INPP4B: variants seen among roughly 807,000 people sequenced by gnomAD.
INPP4B encodes the protein inositol polyphosphate 4-phosphatase type II.
Under a neutral mutation model 122.5 loss-of-function variants are expected in INPP4B, and 55 were observed. The observed-to-expected ratio is 0.45, with a 90% CI of 0.36 to 0.56. The LOEUF (loss-of-function observed/expected upper bound fraction) is 0.56, where lower values mean the gene tolerates loss of function less well. Ranked by LOEUF, INPP4B falls within the 20% of genes least tolerant of loss-of-function variation. The probability of loss-of-function intolerance (pLI) is 0.00; values close to 1 mark genes in which losing one functional copy is unlikely to be tolerated. For synonymous variants in INPP4B, 403 were observed against 388.7 expected (o/e 1.04, Z -0.43); for missense variants, 1,000 against 1,097.7 (o/e 0.91, Z 1.26).
At chr4:142,376,795 G>T (rs951412661) in intron 7 of INPP4B, among the ~76,000 whole-genome samples, 2 of 152,100 alleles carry the variant, frequency 1.3e-5, no homozygotes, top group Middle Eastern at 6.8e-3. Flanking sequence ...ATTTCAATCT[G>T]ATTTTGAGCA....
chr4:142,221,195 C>A (rs1321164064), intron 12 of INPP4B, among the ~76,000 whole-genome samples: 1 of 151,810 alleles, frequency 6.6e-6, no homozygotes, highest in Non-Finnish European at 1.5e-5. Context: ...GTCAGGAGAT[C>A]GAGACCATGC....
Position 142,403,049 on chromosome 4 carries a change from T to G in INPP4B, c.261A>C (p.Thr87=). Residue 87 remains threonine (T), a synonymous_variant, in exon 7 of 26, where the codon ACA becomes ACC. Coordinates refer to ENST00000262992, the MANE Select transcript of INPP4B (RefSeq NM_001101669.3). ...CACCAGTCAAAAACAGTGGGTCCCT[T>G]GTTCCCTGTAACAGCACAAGCAGAC... ...RYSSTEIVEG[T]RDPLFLTGVT... The G allele has an allele frequency of 6.3e-7, 1 of 1,588,762 alleles. No individual in the cohort carries two copies. Among genetic ancestry groups the G allele is most frequent in the South Asian group, 1.1e-5 (1 of 90,494 alleles).
At chr4:142,030,322 T>C (rs1176584160) in intron 25 of INPP4B, 5 of 1,525,208 alleles carry the variant, frequency 3.3e-6, no homozygotes, top group South Asian at 2.4e-5. Context: ...GAGGGGAAGT[T>C]GGGGGGGAAA....
At chr4:142,588,376 T>A (rs1449269461) in intron 2 of INPP4B, among the ~76,000 whole-genome samples, 7 of 151,744 alleles carry the variant, frequency 4.6e-5, no homozygotes, top group Non-Finnish European at 1.5e-5. Context: ...GTTTTTGTTG[T>A]AAATGACATG....
chr4:142,759,779 T>C (rs890182644), intron 1 of INPP4B, among the ~76,000 whole-genome samples: 1 of 140,066 alleles, frequency 7.1e-6, no homozygotes, highest in Non-Finnish European at 1.5e-5. Flanking sequence ...AAAGGTAATT[T>C]GCCTCTCAAC....
At chr4:142,539,011 A>T (rs558201882) in intron 2 of INPP4B, among the ~76,000 whole-genome samples, 1 of 151,588 alleles carries the variant, frequency 6.6e-6, no homozygotes, top group Non-Finnish European at 1.5e-5. Context: ...AATGAAAAAA[A>T]TTGTTTAGAC....
chr4:142,059,049 C>T (rs12512970), intron 25 of INPP4B, among the ~76,000 whole-genome samples: 1 of 152,100 alleles, frequency 6.6e-6, no homozygotes, highest in Non-Finnish European at 1.5e-5. Flanking sequence ...GCTTATAAAC[C>T]TGGATATTTA....
At chr4:142,145,373 A>G (rs1470820712) in intron 18 of INPP4B, among the ~76,000 whole-genome samples, 2 of 152,122 alleles carry the variant, frequency 1.3e-5, no homozygotes, top group Non-Finnish European at 2.9e-5. Context: ...ATCTTCCCAT[A>G]TGTTTTGGAG....
At chr4:142,738,769 G>A (rs1197940462) in intron 1 of INPP4B, among the ~76,000 whole-genome samples, 1 of 152,136 alleles carries the variant, frequency 6.6e-6, no homozygotes, top group African/African-American at 2.4e-5. Flanking sequence ...GCTCCAGTGT[G>A]TAGCCTTGTA....
intron 2 of INPP4B, among the ~76,000 whole-genome samples, chr4:142,537,367 A>C (rs1291695803): frequency 1.2e-4 from 18 of 144,002 alleles, no homozygotes; most frequent in African/African-American, 4.6e-4. Context: ...CAGAAAAAAA[A>C]CCAGTTATCA....
intron 25 of INPP4B, among the ~76,000 whole-genome samples, chr4:142,050,692 A>T (rs1379377549): frequency 6.6e-6 from 1 of 152,086 alleles, no homozygotes. Context: ...AATATTTAAA[A>T]TAGGGATGAT....
chr4:142,188,388 G>A (rs944826662), intron 15 of INPP4B, among the ~76,000 whole-genome samples: 2 of 150,134 alleles, frequency 1.3e-5, no homozygotes, highest in Non-Finnish European at 3.0e-5. Flanking sequence ...TCGGGAGGCT[G>A]AGGCAAGAGA....
chr4:142,122,958 G>T (rs981317221), intron 20 of INPP4B, among the ~76,000 whole-genome samples: 1 of 151,854 alleles, frequency 6.6e-6, no homozygotes, highest in Non-Finnish European at 1.5e-5. Flanking sequence ...GTCACACAAG[G>T]CTACTATATT....
chr4:142,647,469 C>T (rs1201634222), intron 2 of INPP4B, among the ~76,000 whole-genome samples: 1 of 152,062 alleles, frequency 6.6e-6, no homozygotes, highest in Non-Finnish European at 1.5e-5. Context: ...GTGAAAAGGC[C>T]ATCAATGATA....
intron 7 of INPP4B, among the ~76,000 whole-genome samples, chr4:142,368,833 C>T (rs1788584307): frequency 6.6e-6 from 1 of 152,004 alleles, no homozygotes; most frequent in Admixed American, 6.6e-5. Flanking sequence ...TGATAGGATG[C>T]CCAATCATCT....
intron 2 of INPP4B, among the ~76,000 whole-genome samples, chr4:142,486,581 G>A (rs1821222639): frequency 1.3e-5 from 2 of 151,734 alleles, no homozygotes; most frequent in South Asian, 2.1e-4. Context: ...TTTTCTTAAT[G>A]GTTTCTTTCA....
At chr4:142,119,746 G>A (rs997672935) in intron 21 of INPP4B, among the ~76,000 whole-genome samples, 1 of 151,016 alleles carries the variant, frequency 6.6e-6, no homozygotes, top group African/African-American at 2.4e-5. Context: ...GTATACACAT[G>A]TAACAAACCT....
intron 12 of INPP4B, among the ~76,000 whole-genome samples, chr4:142,235,874 G>T (rs1221055615): frequency 6.6e-6 from 1 of 152,144 alleles, no homozygotes; most frequent in Non-Finnish European, 1.5e-5. Context: ...CAGTAAATGG[G>T]ATATTCATCA....
intron 25 of INPP4B, among the ~76,000 whole-genome samples, chr4:142,067,594 A>G (rs1764288312): frequency 6.6e-6 from 1 of 152,180 alleles, no homozygotes; most frequent in Non-Finnish European, 1.5e-5. Flanking sequence ...AAAAGATTAG[A>G]TGAATGGCTA....
Sources: gnomAD v4.1 joint callset for allele counts (sites outside exome capture counted in the v4.1 genomes callset) on GRCh38, gnomAD v4.1.1 for gene constraint, MANE v1.5 for transcripts, NCBI Gene and HGNC (gene_info 2026-07-23, HGNC 2026-07-21) for gene names.